The following AXDND1 variants were observed in gnomAD, a reference collection of about 807,000 sequenced individuals.
AXDND1 encodes the protein axonemal dynein light chain domain-containing protein 1.
In AXDND1, 110 loss-of-function variants were observed where a neutral mutation model predicts 137.5. That is an observed-to-expected ratio of 0.80 (90% CI 0.69 to 0.94). The LOEUF (loss-of-function observed/expected upper bound fraction) is 0.94. Among genes scored for constraint, AXDND1 ranks in the 40% least tolerant of loss-of-function variants. The pLI, the probability that AXDND1 is intolerant of heterozygous loss-of-function variation, is 0.00. For synonymous variants in AXDND1, 414 were observed against 399.7 expected (o/e 1.04, Z -0.43); for missense variants, 1,191 against 1,169.8 (o/e 1.02, Z -0.26).
At chr1:179,398,899 T>C (rs1293238792) in intron 11 of AXDND1, among the ~76,000 whole-genome samples, 1 of 152,106 alleles carries the variant, frequency 6.6e-6, no homozygotes, top group Non-Finnish European at 1.5e-5. Flanking sequence ...GGGCAGAATG[T>C]ACTACTGCCA....
At chr1:179,372,542 C>G (rs910067514) in intron 4 of AXDND1, among the ~76,000 whole-genome samples, 8 of 151,862 alleles carry the variant, frequency 5.3e-5, no homozygotes, top group Non-Finnish European at 1.2e-4. Context: ...AAATAAAATC[C>G]AGTTATTATG....
At position 179,402,171 on chromosome 1, in the gene AXDND1, A is replaced by C. The variant is rs974953259; in HGVS notation, c.1109+6969A>C. Among the ~76,000 whole-genome samples the C allele has an allele frequency of 4.3e-4, 65 of 152,032 alleles. 1 individual carries two copies. Among genetic ancestry groups the C allele is most frequent in the African/African-American group, 1.5e-3 (64 of 41,484 alleles). ...CAGAGCGAGACTCCGTCTCAAAAAA[A>C]AAAAAAAAAAATCACCCTGTCTTGG... On this transcript the variant is annotated intron_variant, in intron 11 of 25. Transcript: ENST00000367618.
chr1:179,462,142 T>G (rs1229586278), intron 16 of AXDND1, among the ~76,000 whole-genome samples: 1 of 152,190 alleles, frequency 6.6e-6, no homozygotes, highest in Non-Finnish European at 1.5e-5. Context: ...AAGGGAATGC[T>G]TCCTGTTTTT....
intron 25 of AXDND1, chr1:179,551,203 A>T (rs1673208020): frequency 1.2e-6 from 2 of 1,613,940 alleles, no homozygotes. Context: ...TCTTTTTAGG[A>T]TTTAGTGGCT....
Position 179,490,181 on chromosome 1 carries a change from G to A in AXDND1, c.2092-1357G>A, listed in dbSNP as rs142429533. 2.6e-5 allele frequency among the ~76,000 whole-genome samples: 4 copies of A among 152,306 alleles called. No homozygotes were observed. The South Asian group carries it at 8.3e-4, about 32-fold the overall frequency. ...AGACAGGTTAATTGAGGAGATAGAT[G>A]TGCAAATGACTATAACAGAGATATA... On this transcript the variant is annotated intron_variant, in intron 18 of 25. Coordinates refer to ENST00000367618, the MANE Select transcript of AXDND1 (RefSeq NM_144696.6).
At chr1:179,388,843 A>G (rs1020542680) in intron 9 of AXDND1, among the ~76,000 whole-genome samples, 3 of 149,688 alleles carry the variant, frequency 2.0e-5, no homozygotes, top group African/African-American at 4.9e-5. Flanking sequence ...CGATCCGCCC[A>G]CCTCAGCCTC....
At chr1:179,426,155 C>T (rs530422810) in intron 12 of AXDND1, among the ~76,000 whole-genome samples, 7 of 151,984 alleles carry the variant, frequency 4.6e-5, no homozygotes, top group African/African-American at 9.7e-5. Flanking sequence ...CTAAGTATGA[C>T]GGGAAATCTT....
intron 4 of AXDND1, among the ~76,000 whole-genome samples, chr1:179,375,110 T>A (rs1206539950): frequency 5.0e-5 from 6 of 120,540 alleles, no homozygotes; most frequent in East Asian, 2.3e-4. Context: ...AAAAAAAAAT[T>A]TTTTTTAAGA....
intron 4 of AXDND1, among the ~76,000 whole-genome samples, chr1:179,375,997 C>G (rs766379882): frequency 5.3e-5 from 8 of 152,196 alleles, no homozygotes; most frequent in Non-Finnish European, 8.8e-5. Context: ...ACCTCACATG[C>G]CACATCAGCT....
At chr1:179,508,346 A>G (rs1001482541) in intron 20 of AXDND1, among the ~76,000 whole-genome samples, 1 of 152,032 alleles carries the variant, frequency 6.6e-6, no homozygotes, top group Admixed American at 6.6e-5. Context: ...AAAAAAAAAA[A>G]AAAGGCTAAT....
chr1:179,456,637 C>T (rs1661448019), intron 16 of AXDND1: 8 of 846,982 alleles, frequency 9.4e-6, no homozygotes, highest in South Asian at 9.3e-5. Flanking sequence ...CCATATCCAT[C>T]ACCACCACAG....
chr1:179,366,240 G>T, intron 1 of AXDND1, 164 bp from the exon 2 acceptor site: 2 of 244,180 alleles, frequency 8.2e-6, no homozygotes, highest in East Asian at 9.6e-5. Flanking sequence ...CCGACCTGAC[G>T]GTCCACTAAG....
At position 179,534,682 on chromosome 1, in the gene AXDND1, T is replaced by A. The variant is rs375766118; in HGVS notation, c.2799-48T>A. 6.0e-5 allele frequency: 92 copies of A among 1,525,840 alleles called. No homozygotes were observed. The African/African-American group carries it at 1.2e-3, about 20-fold the overall frequency. 94.5% of individuals were successfully genotyped at this position (1,525,840 alleles called of 1,614,324 possible). A position where few individuals can be genotyped will look rare whatever the true frequency, so the allele number is the denominator to read the frequency against. Reference sequence around the variant, plus strand: ...AGAAAATGAGTTTCGAAATCAAAAATACTTTTTCAACCCTTTCTATTTTGT... The same window carrying A: ...AGAAAATGAGTTTCGAAATCAAAAAAACTTTTTCAACCCTTTCTATTTTGT... On this transcript the variant is annotated intron_variant, in intron 24 of 25. Coordinates refer to ENST00000367618, the MANE Select transcript of AXDND1 (RefSeq NM_144696.6).
intron 4 of AXDND1, among the ~76,000 whole-genome samples, chr1:179,375,108 A>AT (rs111361473): frequency 1.3e-5 from 2 of 151,498 alleles, no homozygotes; most frequent in Non-Finnish European, 2.9e-5. Flanking sequence ...TAAAAAAAAA[A>AT]TTTTTTTTAA....
At chr1:179,384,049 C>T (rs1051152944) in intron 8 of AXDND1, among the ~76,000 whole-genome samples, 5 of 152,008 alleles carry the variant, frequency 3.3e-5, no homozygotes, top group Non-Finnish European at 7.4e-5. Context: ...TTATTTTCTA[C>T]TTAAGAAAGA....
chr1:179,467,977 C>T (rs926517465), intron 16 of AXDND1, among the ~76,000 whole-genome samples: 5 of 152,116 alleles, frequency 3.3e-5, no homozygotes, highest in South Asian at 2.1e-4. Context: ...AGACTAAAAG[C>T]TATAAACTTT....
At chr1:179,513,287 T>C (rs892383405) in intron 21 of AXDND1, among the ~76,000 whole-genome samples, 4 of 152,350 alleles carry the variant, frequency 2.6e-5, no homozygotes, top group African/African-American at 9.6e-5. Context: ...ATGCTGGATT[T>C]TGTTGAATGC....
chr1:179,448,128 G>A (rs1660002448), intron 16 of AXDND1: 5 of 979,620 alleles, frequency 5.1e-6, no homozygotes, highest in Middle Eastern at 2.4e-4. Flanking sequence ...TTCTGTATAT[G>A]GAGTTAGCAC....
chr1:179,539,348 T>G (rs372455655), intron 25 of AXDND1, among the ~76,000 whole-genome samples: 1 of 152,240 alleles, frequency 6.6e-6, no homozygotes, highest in Non-Finnish European at 1.5e-5. Flanking sequence ...TTTCCATGTT[T>G]AGTGCTTCCT....
Sources: gnomAD v4.1 joint callset for allele counts (sites outside exome capture counted in the v4.1 genomes callset) on GRCh38, gnomAD v4.1.1 for gene constraint, MANE v1.5 for transcripts, NCBI Gene and HGNC (gene_info 2026-07-23, HGNC 2026-07-21) for gene names.